Variants in CNTN4 observed in about 807,000 individuals in gnomAD.
The protein encoded by CNTN4 is contactin 4, also known as contactin-4.
In CNTN4, 77 loss-of-function variants were observed where a neutral mutation model predicts 122.5. The ratio of observed to expected loss-of-function variants is 0.63; its 90% CI spans 0.52 to 0.76. CNTN4 has a LOEUF of 0.76. CNTN4 is among the 30% of genes least tolerant of loss of function. The probability of loss-of-function intolerance (pLI) is 0.00; values close to 1 mark genes in which losing one functional copy is unlikely to be tolerated. For synonymous variants in CNTN4, 512 were observed against 447.0 expected, an observed-to-expected ratio of 1.15 and a Z score of -1.83; for missense variants, 1,256 against 1,259.1, an observed-to-expected ratio of 1.00 and a Z score of 0.04.
rs544057457 is a variant in CNTN4 at position 2,732,787 on chromosome 3, T to C, written c.56-3428T>C. On this transcript the variant is annotated intron_variant, in intron 4 of 24. Coordinates refer to ENST00000418658, the MANE Select transcript of CNTN4 (RefSeq NM_175607.3). ...TTAAAAGCTAGGATATCTGGGTTTTTTTTAATACCTTGATAGCTAAACTTT... is the reference window on the plus strand; with the variant it reads ...TTAAAAGCTAGGATATCTGGGTTTTCTTTAATACCTTGATAGCTAAACTTT... 4.1e-4 allele frequency among the ~76,000 whole-genome samples: 63 copies of C among 152,304 alleles called. 2 individuals are homozygous for C. In the South Asian group the frequency reaches 0.012, roughly 30 times the overall value.
chr3:2,517,418 A>C (rs1319817169), intron 3 of CNTN4, among the ~76,000 whole-genome samples: 1 of 152,094 alleles, frequency 6.6e-6, no homozygotes, highest in Non-Finnish European at 1.5e-5. Flanking sequence ...CCTCCCTCCA[A>C]TGATCTGTAT....
At chr3:2,807,898 GA>G (rs1394416697) in intron 6 of CNTN4, among the ~76,000 whole-genome samples, 6 of 151,904 alleles carry the variant, frequency 3.9e-5, no homozygotes, top group Non-Finnish European at 8.8e-5. Context: ...CTTCTTGGAG[GA>G]AAAAAATACC....
intron 13 of CNTN4, among the ~76,000 whole-genome samples, chr3:2,986,350 T>C (rs186891004): frequency 2.0e-5 from 3 of 152,328 alleles, no homozygotes; most frequent in Admixed American, 6.5e-5. Flanking sequence ...TTCTGTTTCA[T>C]AGAAGAGGAA....
At chr3:2,657,440 A>G (rs1049565989) in intron 4 of CNTN4, among the ~76,000 whole-genome samples, 1 of 152,168 alleles carries the variant, frequency 6.6e-6, no homozygotes, top group Admixed American at 6.5e-5. Flanking sequence ...TGAAGTAAGC[A>G]CAGCAAACTT....
chr3:2,818,735 A>G (rs996218843), intron 6 of CNTN4, among the ~76,000 whole-genome samples: 1 of 152,224 alleles, frequency 6.6e-6, no homozygotes, highest in East Asian at 1.9e-4. Context: ...TGGGTTTATA[A>G]ATGTCTTATC....
chr3:2,859,595 A>G (rs1293282012), intron 7 of CNTN4, among the ~76,000 whole-genome samples: 2 of 151,530 alleles, frequency 1.3e-5, no homozygotes, highest in Non-Finnish European at 2.9e-5. Context: ...TACTGACTCC[A>G]GATCTAGGCA....
intron 3 of CNTN4, among the ~76,000 whole-genome samples, chr3:2,377,340 T>C (rs1031893216): frequency 2.0e-5 from 3 of 152,172 alleles, no homozygotes; most frequent in Admixed American, 2.0e-4. Flanking sequence ...TCAGCAGTGC[T>C]TCATTATACA....
intron 3 of CNTN4, among the ~76,000 whole-genome samples, chr3:2,519,443 C>G (rs1163012878): frequency 1.3e-5 from 2 of 152,212 alleles, no homozygotes; most frequent in Admixed American, 6.5e-5. Flanking sequence ...TTCTTGTAGT[C>G]TGTCTAGGGA....
intron 14 of CNTN4, among the ~76,000 whole-genome samples, chr3:3,004,640 A>G (rs1334059331): frequency 6.6e-6 from 1 of 152,224 alleles, no homozygotes; most frequent in South Asian, 2.1e-4. Context: ...AATAGTACCT[A>G]TTTCATAGGA....
At chr3:2,147,830 G>A (rs1038834705) in intron 2 of CNTN4, among the ~76,000 whole-genome samples, 4 of 152,104 alleles carry the variant, frequency 2.6e-5, no homozygotes, top group Admixed American at 2.6e-4. Context: ...TTTCCAAATG[G>A]ATCTCACAAT....
chr3:3,037,054 A>G (rs1476447691), intron 17 of CNTN4, 125 bp from the exon 18 acceptor site: 2 of 1,113,494 alleles, frequency 1.8e-6, no homozygotes, highest in African/African-American at 3.1e-5. Context: ...TAATATCAGA[A>G]CACCTACACT....
intron 3 of CNTN4, among the ~76,000 whole-genome samples, chr3:2,539,162 G>T (rs2077933270): frequency 6.6e-6 from 1 of 152,034 alleles, no homozygotes; most frequent in Non-Finnish European, 1.5e-5. Flanking sequence ...TAAGCAAGAT[G>T]ATAGTGAAAT....
chr3:2,762,570 C>A lies in CNTN4; in HGVS notation c.358+16873C>A, dbSNP rs2090638977. ...TATGTACCACATTTTCTTTATCAGT[C>A]TATCATTGATGCGCTTTTAGGTTGA... On this transcript the variant is annotated intron_variant, in intron 6 of 24. Transcript: ENST00000418658. Among the ~76,000 whole-genome samples the A allele has an allele frequency of 2.6e-5, 4 of 152,142 alleles. No homozygotes were observed. The South Asian group carries it at 8.3e-4, about 31-fold the overall frequency.
At chr3:2,933,806 A>G (rs979535192) in intron 13 of CNTN4, among the ~76,000 whole-genome samples, 2 of 152,206 alleles carry the variant, frequency 1.3e-5, no homozygotes, top group Non-Finnish European at 2.9e-5. Context: ...AGAGACAGAG[A>G]TACAGACATC....
chr3:2,265,591 A>G (rs1403281210), intron 2 of CNTN4, among the ~76,000 whole-genome samples: 3 of 151,980 alleles, frequency 2.0e-5, no homozygotes, highest in Non-Finnish European at 4.4e-5. Context: ...TGTATTTTTC[A>G]TTTTTGTAAA....
rs9810128 is a variant in CNTN4, at chr3:2,405,062, C to T, written c.-89+65829C>T. Among the ~76,000 whole-genome samples the T allele has an allele frequency of 6.1e-3, 920 of 152,042 alleles. 10 individuals carry two copies. The highest frequency in any genetic ancestry group is 0.02 in the African/African-American group (848 of 41,470). ...TTTAACATAATAAAAGATAACAAGC[C>T]CTTATTTTATTCTTTCTGTTTTAAT... is the stretch of plus-strand genomic sequence containing the variant. On this transcript the variant is annotated intron_variant, in intron 3 of 24. Transcript: ENST00000418658.
chr3:2,467,936 A>C (rs964012457), intron 3 of CNTN4, among the ~76,000 whole-genome samples: 1 of 152,124 alleles, frequency 6.6e-6, no homozygotes, highest in African/African-American at 2.4e-5. Context: ...ATCTTTATCT[A>C]TATTTTATAG....
intron 2 of CNTN4, among the ~76,000 whole-genome samples, chr3:2,125,772 G>T (rs1274175799): frequency 2.0e-5 from 3 of 151,702 alleles, no homozygotes; most frequent in African/African-American, 7.3e-5. Flanking sequence ...TAAGCAGGAT[G>T]GTCTCGATCT....
Position 2,318,534 on chromosome 3 carries a change from CAT to C in CNTN4, c.-144-20643_-144-20642del, listed in dbSNP as rs1559448519. On this transcript the variant is annotated intron_variant, in intron 2 of 24. Coordinates refer to ENST00000418658, the MANE Select transcript of CNTN4 (RefSeq NM_175607.3). ...TGTTTGTATATTACTCTCCTCCTAACATGTGAGAGCTGCAGGTATTTTAAATG... is the reference window on the plus strand; with the variant it reads ...TGTTTGTATATTACTCTCCTCCTAACGTGAGAGCTGCAGGTATTTTAAATG... Among the ~76,000 whole-genome samples, 8 of 152,176 alleles carry C rather than the reference CAT, an allele frequency of 5.3e-5. No homozygotes were observed. In the South Asian group the frequency reaches 1.4e-3, roughly 28 times the overall value.
Sources: allele counts gnomAD v4.1 joint callset (sites outside exome capture counted in the v4.1 genomes callset), GRCh38; gene constraint gnomAD v4.1.1; transcripts MANE v1.5; gene names NCBI Gene and HGNC (gene_info 2026-07-23, HGNC 2026-07-21).